MYLK4: variants seen among roughly 807,000 people sequenced by gnomAD.
The protein encoded by MYLK4 is caMLCK like.
In MYLK4, 46 loss-of-function variants were observed where a neutral mutation model predicts 48.1. That is an observed-to-expected ratio of 0.96 (90% confidence interval 0.75 to 1.22). The LOEUF is 1.22. MYLK4 is among the 50% of genes most tolerant of loss of function. The probability of loss-of-function intolerance (pLI) is 0.00; values close to 1 mark genes in which losing one functional copy is unlikely to be tolerated. For synonymous variants in MYLK4, 170 were observed against 180.8 expected (o/e 0.94, Z 0.48); for missense variants, 451 against 486.1 (o/e 0.93, Z 0.68).
intron 2 of MYLK4, among the ~76,000 whole-genome samples, chr6:2,706,749 A>G (rs1018735426): frequency 1.1e-4 from 17 of 152,344 alleles, no homozygotes; most frequent in African/African-American, 3.6e-4. Flanking sequence ...AGGAAGCCAC[A>G]GCAATGCAGA....
At chr6:2,739,536 C>T (rs1323446342) in intron 2 of MYLK4, among the ~76,000 whole-genome samples, 4 of 152,152 alleles carry the variant, frequency 2.6e-5, no homozygotes, top group African/African-American at 7.2e-5. Context: ...GCCATGACAA[C>T]CTGTGTGCAT....
chr6:2,737,191 T>C (rs1010904253), intron 2 of MYLK4, among the ~76,000 whole-genome samples: 7 of 152,324 alleles, frequency 4.6e-5, no homozygotes, highest in Middle Eastern at 3.4e-3. Flanking sequence ...CGCCCGCCTG[T>C]AGTCCCAGCT....
At chr6:2,707,996 G>A (rs533305782) in intron 2 of MYLK4, among the ~76,000 whole-genome samples, 24 of 152,140 alleles carry the variant, frequency 1.6e-4, no homozygotes, top group African/African-American at 5.8e-4. Flanking sequence ...CATTCACAGA[G>A]TGTATATAAT....
At chr6:2,696,721 T>C (rs1275064498) in intron 2 of MYLK4, among the ~76,000 whole-genome samples, 1 of 152,258 alleles carries the variant, frequency 6.6e-6, no homozygotes, top group African/African-American at 2.4e-5. Flanking sequence ...ATTGATACAA[T>C]TGGACACATA....
chr6:2,735,606 A>T (rs1244258299), intron 2 of MYLK4, among the ~76,000 whole-genome samples: 1 of 152,192 alleles, frequency 6.6e-6, no homozygotes, highest in Non-Finnish European at 1.5e-5. Context: ...ACAGAGAATG[A>T]TCCCCATGGG....
chr6:2,703,665 C>CTTTGTTTT (rs1762382310), intron 2 of MYLK4, among the ~76,000 whole-genome samples: 1 of 95,120 alleles, frequency 1.1e-5, no homozygotes. Flanking sequence ...TTTGTGAATT[C>CTTTGTTTT]TTTTTTTTTT....
rs1761520125 is a variant in MYLK4 at position 2,685,846 on chromosome 6, G to C, written c.342-270C>G. Reference sequence around the variant, plus strand: ...AGCACTTTGGGAGGCCGAGGCGGGAGGATCACGAGGTCAGGACCAGTCTGG... The same window carrying C: ...AGCACTTTGGGAGGCCGAGGCGGGACGATCACGAGGTCAGGACCAGTCTGG... On this transcript the variant is annotated intron_variant, in intron 4 of 12. Transcript: ENST00000274643. The surrounding 1 kb of genome is among the most constrained non-coding windows in gnomAD (Gnocchi z 4.5). 6.6e-6 allele frequency among the ~76,000 whole-genome samples: 1 copy of C among 152,056 alleles called. No homozygotes were observed. The highest frequency in any genetic ancestry group is 1.5e-5 in the Non-Finnish European group (1 of 68,004).
At chr6:2,769,671 A>G in the MYLK4 span, among the ~76,000 whole-genome samples, 1 of 152,166 alleles carries the variant, frequency 6.6e-6, no homozygotes, top group Non-Finnish European at 1.5e-5. Flanking sequence ...TTCCCCATAA[A>G]ACAGCATAAT....
chr6:2,754,031 G>A (rs1324896388), upstream of MYLK4, among the ~76,000 whole-genome samples: 2 of 151,014 alleles, frequency 1.3e-5, no homozygotes, highest in Admixed American at 6.6e-5. Flanking sequence ...AGAAAAGCAA[G>A]TGTTGACAAG....
chr6:2,697,157 T>C (rs1762092788), intron 2 of MYLK4, among the ~76,000 whole-genome samples: 1 of 152,244 alleles, frequency 6.6e-6, no homozygotes, highest in African/African-American at 2.4e-5. Flanking sequence ...CTTTAAAATA[T>C]TTTACTGATG....
chr6:2,717,605 C>T (rs1762914674), intron 2 of MYLK4, among the ~76,000 whole-genome samples: 1 of 152,198 alleles, frequency 6.6e-6, no homozygotes, highest in Non-Finnish European at 1.5e-5. Context: ...GAATAAACAC[C>T]TATATGTTTG....
chr6:2,699,543 T>A (rs2875822), intron 2 of MYLK4, among the ~76,000 whole-genome samples: 5 of 150,560 alleles, frequency 3.3e-5, no homozygotes, highest in African/African-American at 9.8e-5. Flanking sequence ...GTGATCCACC[T>A]GCCTCGGCCT....
At chr6:2,769,618 A>G in the MYLK4 span, among the ~76,000 whole-genome samples, 5 of 152,160 alleles carry the variant, frequency 3.3e-5, no homozygotes, top group African/African-American at 9.7e-5. Context: ...AGGCGTTAGC[A>G]TTCTAGGTTT....
intron 3 of MYLK4, among the ~76,000 whole-genome samples, chr6:2,690,331 C>T (rs775573617): frequency 2.6e-5 from 4 of 152,148 alleles, no homozygotes; most frequent in Non-Finnish European, 5.9e-5. Flanking sequence ...TCTGCCACTC[C>T]ACGCTTACTG....
chr6:2,696,288 C>T (rs1289423586), intron 2 of MYLK4, among the ~76,000 whole-genome samples: 2 of 152,178 alleles, frequency 1.3e-5, no homozygotes, highest in Admixed American at 6.5e-5. Context: ...CAAGGACATG[C>T]TAGAACTCAT....
At position 2,685,337 on chromosome 6, in the gene MYLK4, A is replaced by G. The variant is rs1425707594; in HGVS notation, c.504T>C (p.Asp168=). ...LDHANLIQLY[D]AFESKNDIVL... is the part of the protein sequence containing the mutation. ...CAATGTCGTTCTTAGACTCGAAGGC[A>G]TCGTACAGCTGGATGAGGTTCGCGT... is the stretch of plus-strand genomic sequence containing the variant. Residue 168 remains aspartate, a synonymous_variant, in exon 6 of 13, where the codon GAT becomes GAC. Transcript: ENST00000274643. The surrounding 1 kb of genome is among the most constrained non-coding windows in gnomAD (Gnocchi z 4.5). 1 of 1,613,770 alleles carries G rather than the reference A, an allele frequency of 6.2e-7. No homozygotes were observed. Among genetic ancestry groups the G allele is most frequent in the Non-Finnish European group, 8.5e-7 (1 of 1,179,872 alleles).
rs111368626 is a variant in MYLK4 at position 2,679,215 on chromosome 6, C to T, written c.887+65G>A. The T allele has an allele frequency of 3.0e-3, 4,828 of 1,589,238 alleles. 53 individuals are homozygous for T. The African/African-American group carries it at 0.035, about 11-fold the overall frequency. Reference sequence around the variant, plus strand: ...CCCCAATTGGGGCTTTTATTTAAAACGGCAAAACCTCAGAAAATATGCATG... The same window carrying T: ...CCCCAATTGGGGCTTTTATTTAAAATGGCAAAACCTCAGAAAATATGCATG... On this transcript the variant is annotated intron_variant, in intron 9 of 12. Coordinates refer to ENST00000274643, the MANE Select transcript of MYLK4 (RefSeq NM_001012418.5).
At chr6:2,766,146 A>G in the MYLK4 span, 24 of 1,327,028 alleles carry the variant, frequency 1.8e-5, no homozygotes, top group Non-Finnish European at 2.3e-5. Flanking sequence ...GGCGATGGCG[A>G]CGGGGACGCG....
Position 2,688,888 on chromosome 6 carries a change from T to C in MYLK4, c.304A>G (p.Ser102Gly). 6.2e-7 allele frequency: 1 copy of C among 1,614,240 alleles called. No homozygotes were observed. Among genetic ancestry groups the C allele is most frequent in the Non-Finnish European group, 8.5e-7 (1 of 1,180,026 alleles). Reference protein sequence around the residue: ...IVTAKQGAVNSFYTVSKTEIL... With the variant: ...IVTAKQGAVNGFYTVSKTEIL... ...TCTGTCTTGCTCACAGTATAGAAGC[T>C]GTTGACCGCTCCTTGCTTGGCTGTC... Residue 102 changes from serine to glycine, a missense_variant, in exon 4 of 13, where the codon AGC (serine) becomes GGC (glycine). Ser to Gly is a moderately conservative substitution (Grantham distance 56). Transcript: ENST00000274643.
Sources: allele counts gnomAD v4.1 joint callset (sites outside exome capture counted in the v4.1 genomes callset), GRCh38; gene constraint gnomAD v4.1.1; non-coding constraint Gnocchi (gnomAD v3.1); transcripts MANE v1.5; gene names NCBI Gene and HGNC (gene_info 2026-07-23, HGNC 2026-07-21).